The following SF3B3 variants were observed in gnomAD, a reference collection of about 807,000 sequenced individuals.
SF3B3 encodes splicing factor 3b subunit 3.
Under a neutral mutation model 139.2 loss-of-function variants are expected in SF3B3, and 33 were observed. The ratio of observed to expected loss-of-function variants is 0.24; its 90% confidence interval spans 0.18 to 0.32. The LOEUF is 0.32. Ranked by LOEUF, SF3B3 falls within the 10% of genes least tolerant of loss-of-function variation. The pLI, the probability that SF3B3 is intolerant of heterozygous loss-of-function variation, is 1.00. For missense variants in SF3B3, 818 were observed against 1,509.4 expected (o/e 0.54, Z 7.59); for synonymous variants, 596 against 563.6 (o/e 1.06, Z -0.81).
At chr16:70,538,082 T>C in intron 6 of SF3B3, 1 of 674,174 alleles carries the variant, frequency 1.5e-6, no homozygotes, top group Non-Finnish European at 2.8e-6. Context: ...TTTTGCCTTA[T>C]GAATCTGATC....
At chr16:70,549,769 A>T (rs759857192) in intron 11 of SF3B3, among the ~76,000 whole-genome samples, 1 of 152,084 alleles carries the variant, frequency 6.6e-6, no homozygotes, top group Non-Finnish European at 1.5e-5. Flanking sequence ...TACTAAAAAT[A>T]CAAAAATTAG....
At chr16:70,571,595 A>T in intron 25 of SF3B3, 78 bp from the exon 26 acceptor site, 6 of 1,476,236 alleles carry the variant, frequency 4.1e-6, no homozygotes, top group Non-Finnish European at 5.5e-6. Flanking sequence ...AGCTTTCCCT[A>T]CAAGTGCTGC....
rs747129197 is a variant in SF3B3, at chr16:70,563,927, A to G, written c.2340A>G (p.Pro780=). 1.2e-6 allele frequency: 2 copies of G among 1,614,070 alleles called. No individual in the cohort carries two copies. The highest frequency in any genetic ancestry group is 1.7e-6 in the Non-Finnish European group (2 of 1,180,004). The change falls in exon 18 of 26, where the codon CCA becomes CCG. Residue 780 remains proline (P), a synonymous_variant. Coordinates refer to ENST00000302516, the MANE Select transcript of SF3B3 (RefSeq NM_012426.5). Reference sequence around the variant, plus strand: ...CTGTCTTCAATCAAGTAGCCTTCCCACTGCAGTACACACCCAGGAAATTTG... The same window carrying G: ...CTGTCTTCAATCAAGTAGCCTTCCCGCTGCAGTACACACCCAGGAAATTTG... ...LGAVFNQVAF[P]LQYTPRKFVI...
chr16:70,552,958 T>G (rs1018719749), intron 11 of SF3B3, among the ~76,000 whole-genome samples: 3 of 152,220 alleles, frequency 2.0e-5, no homozygotes, highest in African/African-American at 7.2e-5. Flanking sequence ...TCACCCAGAT[T>G]GGAGTGCAGT....
intron 1 of SF3B3, among the ~76,000 whole-genome samples, chr16:70,525,538 G>C (rs1314684146): frequency 6.6e-6 from 1 of 152,146 alleles, no homozygotes; most frequent in African/African-American, 2.4e-5. Context: ...AACTTGCGGG[G>C]AGCTGTTCAG....
intron 14 of SF3B3, chr16:70,556,585 C>A: frequency 3.3e-6 from 2 of 602,770 alleles, no homozygotes; most frequent in Admixed American, 3.0e-5. Context: ...TTTAAGTTAA[C>A]AACCAAGACT....
intron 4 of SF3B3, 40 bp from the exon 5 acceptor site, chr16:70,532,439 T>C (rs754892305): frequency 6.9e-6 from 11 of 1,604,148 alleles, no homozygotes; most frequent in Admixed American, 5.1e-5. Context: ...ATCTTCGATT[T>C]TATGCTGATG....
At chr16:70,526,539 G>A in intron 1 of SF3B3, 48 bp from the exon 2 acceptor site, 1 of 671,284 alleles carries the variant, frequency 1.5e-6, no homozygotes, top group Non-Finnish European at 2.6e-6. Context: ...AGAAATGTCT[G>A]TTGAAGTAAT....
chr16:70,545,277 G>A (rs2050257647), intron 10 of SF3B3, among the ~76,000 whole-genome samples: 2 of 152,154 alleles, frequency 1.3e-5, no homozygotes, highest in African/African-American at 4.8e-5. Context: ...ATGTTTCCCT[G>A]GCTGGTCTTG....
rs113315736 is a variant in SF3B3, at chr16:70,564,841, AAT to A, written c.2464-221_2464-220del. The stretch of plus-strand genomic sequence containing the variant: ...ATTGTTATTTTTGGTGTTTTCTACT[AAT>A]ATGTAACCAGCAATGTCTGGATTTC... On this transcript the variant is annotated intron_variant, in intron 18 of 25. Coordinates refer to ENST00000302516, the MANE Select transcript of SF3B3 (RefSeq NM_012426.5). Among the ~76,000 whole-genome samples, 1,003 of 152,284 alleles carry A rather than the reference AAT, an allele frequency of 6.6e-3. 13 individuals are homozygous for A. The highest frequency in any genetic ancestry group is 0.023 in the African/African-American group (941 of 41,542).
chr16:70,537,994 G>A (rs78795969), intron 6 of SF3B3: 6,259 of 541,128 alleles, frequency 0.012, 359 homozygotes, highest in African/African-American at 0.11. Context: ...TTTGGATGGA[G>A]CAGTGTTTCA....
At chr16:70,571,041 T>C in intron 24 of SF3B3, 54 bp from the exon 25 acceptor site, 1 of 1,216,396 alleles carries the variant, frequency 8.2e-7, no homozygotes, top group Non-Finnish European at 1.2e-6. Context: ...TTGTGGAAAC[T>C]CTAGACTAGT....
At position 70,571,896 on chromosome 16, in the gene SF3B3, G is replaced by A. The variant is rs1026446591; in HGVS notation, c.*83G>A. The A allele has an allele frequency of 2.2e-5, 32 of 1,487,758 alleles. 1 individual carries two copies. The Admixed American group carries it at 6.3e-4, about 29-fold the overall frequency. The allele number at this position is 1,487,758 out of a possible 1,614,324, so 92.2% of individuals were successfully genotyped here. ...ATCACTGCCACCTGGCTTCTGCCAT[G>A]TGGCAGGAGGGTGACTGGATAATTA... is the stretch of plus-strand genomic sequence containing the variant. On this transcript the variant is annotated 3_prime_UTR_variant, in exon 26 of 26. Transcript: ENST00000302516.
chr16:70,568,129 C>T (rs2050494591), intron 21 of SF3B3, among the ~76,000 whole-genome samples, 154 bp from the exon 22 acceptor site: 1 of 152,188 alleles, frequency 6.6e-6, no homozygotes, highest in South Asian at 2.1e-4. Flanking sequence ...AGCTATTTGG[C>T]TCTTTTTTCC....
intron 11 of SF3B3, among the ~76,000 whole-genome samples, chr16:70,553,241 G>C (rs1241602671): frequency 2.6e-5 from 4 of 152,056 alleles, no homozygotes; most frequent in African/African-American, 9.7e-5. Context: ...ATCTTCATTT[G>C]ACCCCTGCTT....
At chr16:70,542,864 A>G (rs1303275687) in intron 9 of SF3B3, among the ~76,000 whole-genome samples, 1 of 151,452 alleles carries the variant, frequency 6.6e-6, no homozygotes, top group Non-Finnish European at 1.5e-5. Context: ...TGGGACTACA[A>G]GCGCCCGCCA....
At chr16:70,556,114 GT>G in intron 13 of SF3B3, 64 bp from the exon 14 acceptor site, 1 of 1,536,696 alleles carries the variant, frequency 6.5e-7, no homozygotes, top group Non-Finnish European at 9.0e-7. Context: ...GGGTTTTGGG[GT>G]GAATTGGAGC....
In SF3B3 at chr16:70,542,544, T is replaced by C. The variant is rs1198138887; in HGVS notation, c.1233+710T>C. 3.3e-5 allele frequency among the ~76,000 whole-genome samples: 5 copies of C among 152,150 alleles called. No individual in the cohort carries two copies. The South Asian group carries it at 6.2e-4, about 19-fold the overall frequency. On this transcript the variant is annotated intron_variant, in intron 9 of 25. Coordinates refer to ENST00000302516, the MANE Select transcript of SF3B3 (RefSeq NM_012426.5). Reference sequence around the variant, plus strand: ...TGACCATTAGGGACCACCTGTGTAGTTGATCACACTTCTGATGGGAGAGGA... The same window carrying C: ...TGACCATTAGGGACCACCTGTGTAGCTGATCACACTTCTGATGGGAGAGGA...
In SF3B3 at chr16:70,528,162, C is replaced by CTT. The variant is rs760087242; in HGVS notation, c.71-692_71-691dup. ...TTATCTAAAATGATGGAGAAGTTTT[C>CTT]TTTTTTTTTTTTTTTTTTTTGAGAC... is the stretch of plus-strand genomic sequence containing the variant. On this transcript the variant is annotated intron_variant, in intron 2 of 25. Coordinates refer to ENST00000302516, the MANE Select transcript of SF3B3 (RefSeq NM_012426.5). 8.2e-4 allele frequency among the ~76,000 whole-genome samples: 100 copies of CTT among 122,330 alleles called. 1 individual carries two copies. Among genetic ancestry groups the CTT allele is most frequent in the East Asian group, 1.3e-3 (5 of 3,868 alleles). 80.3% of individuals were successfully genotyped at this position (122,330 alleles called of 152,430 possible).
Sources: gnomAD v4.1 joint callset for allele counts (sites outside exome capture counted in the v4.1 genomes callset) on GRCh38, gnomAD v4.1.1 for gene constraint, MANE v1.5 for transcripts, NCBI Gene and HGNC (gene_info 2026-07-23, HGNC 2026-07-21) for gene names.